The following MED13L variants were observed in gnomAD, a reference collection of about 807,000 sequenced individuals.
MED13L encodes the protein mediator complex subunit 13L.
A neutral mutation model predicts 220.9 loss-of-function variants in MED13L; 7 were observed. The ratio of observed to expected loss-of-function variants is 0.03; its 90% CI spans 0.02 to 0.06. The LOEUF is 0.06. Ranked by LOEUF, MED13L falls within the 10% of genes least tolerant of loss-of-function variation. MED13L has a pLI of 1.00. For synonymous variants in MED13L, 1,011 were observed against 1,015.2 expected (o/e 1.00, Z 0.08); for missense variants, 1,965 against 2,760.5 (o/e 0.71, Z 6.46).
intron 2 of MED13L, among the ~76,000 whole-genome samples, chr12:116,125,470 T>C (rs761204732): frequency 2.0e-5 from 3 of 152,224 alleles, no homozygotes; most frequent in Non-Finnish European, 4.4e-5. Flanking sequence ...CTCTGATATG[T>C]CTATAAATGG....
At chr12:115,975,775 C>G in intron 23 of MED13L, 37 bp from the exon 24 acceptor site, 2 of 1,583,976 alleles carry the variant, frequency 1.3e-6, no homozygotes, top group Non-Finnish European at 1.7e-6. Context: ...AGTACAAAGC[C>G]ATACAACTTA....
At chr12:115,976,611 AC>A (rs1416208007) in intron 23 of MED13L, among the ~76,000 whole-genome samples, 1 of 152,198 alleles carries the variant, frequency 6.6e-6, no homozygotes, top group East Asian at 1.9e-4. Context: ...ATGATTGAGT[AC>A]TTTTGAGTAC....
Position 115,961,201 on chromosome 12 carries a change from C to T in MED13L, c.*65G>A. The T allele has an allele frequency of 1.3e-6, 2 of 1,588,284 alleles. No individual in the cohort carries two copies. The highest frequency in any genetic ancestry group is 1.7e-6 in the Non-Finnish European group (2 of 1,157,038). ...GATGTGGGTTATTTGCAGAGTGTAG[C>T]AGGTTCCTTGGACTGAGGTTGCAGG... is the stretch of plus-strand genomic sequence containing the variant. On this transcript the variant is annotated 3_prime_UTR_variant, in exon 31 of 31. Transcript: ENST00000281928.
chr12:116,157,172 TG>T (rs1185858100), intron 2 of MED13L, among the ~76,000 whole-genome samples: 1 of 152,216 alleles, frequency 6.6e-6, no homozygotes, highest in African/African-American at 2.4e-5. Context: ...CATACTTAAA[TG>T]TTCTTCCCTT....
chr12:116,143,155 T>C (rs763820956), intron 2 of MED13L, among the ~76,000 whole-genome samples: 10 of 152,216 alleles, frequency 6.6e-5, no homozygotes, highest in Non-Finnish European at 1.5e-4. Context: ...GTTTACATAC[T>C]GTAGAATAAA....
In MED13L at chr12:116,007,651, A is replaced by G. The variant is rs1382090097; in HGVS notation, c.2013-15T>C. The G allele has an allele frequency of 3.8e-6, 6 of 1,566,242 alleles. No individual in the cohort carries two copies. The East Asian group carries it at 6.8e-5, about 18-fold the overall frequency. ...GTGCTAAGAGTCTAAAAGACAAAAA[A>G]AAAAAAAAAAAAAAGAGCATTTATG... On this transcript the variant is annotated splice_polypyrimidine_tract_variant and intron_variant, in intron 10 of 30. Transcript: ENST00000281928.
rs1873994223 is a variant in MED13L, at chr12:116,277,608, C to A, written c.-477G>T. ...CCCCGGCAGCCGAGCGACGTCCCCT[C>A]CTTCCTCTTCCTCCCCCACCCCCCC... On this transcript the variant is annotated 5_prime_UTR_variant, in exon 1 of 31. Transcript: ENST00000281928. Among the ~76,000 whole-genome samples the A allele has an allele frequency of 6.7e-6, 1 of 149,614 alleles. No individual in the cohort carries two copies. The highest frequency in any genetic ancestry group is 1.5e-5 in the Non-Finnish European group (1 of 67,026).
intron 9 of MED13L, among the ~76,000 whole-genome samples, chr12:116,010,306 G>A (rs1292595542): frequency 3.9e-5 from 6 of 152,230 alleles, no homozygotes; most frequent in Admixed American, 1.3e-4. Flanking sequence ...ACATGTGAAC[G>A]TCTCATCAGA....
At chr12:116,257,662 T>C (rs1456315722) in intron 1 of MED13L, among the ~76,000 whole-genome samples, 2 of 152,248 alleles carry the variant, frequency 1.3e-5, no homozygotes, top group Admixed American at 1.3e-4. Flanking sequence ...ATTTGTCTAT[T>C]TTTAAATAAG....
intron 2 of MED13L, among the ~76,000 whole-genome samples, chr12:116,145,697 A>ATTTATTTATTTATTTATTTG (rs34084324): frequency 1.2e-4 from 18 of 146,960 alleles, no homozygotes; most frequent in East Asian, 9.9e-4. Context: ...TTATTTATTT[A>ATTTATTTATTTATTTATTTG]TTTATTTTAA....
chr12:116,078,647 T>C (rs533974100), intron 4 of MED13L, among the ~76,000 whole-genome samples: 5 of 152,286 alleles, frequency 3.3e-5, no homozygotes, highest in Admixed American at 2.6e-4. Flanking sequence ...TTACATATCA[T>C]CTATGGCTGC....
intron 4 of MED13L, among the ~76,000 whole-genome samples, 180 bp downstream of exon 4, chr12:116,096,489 A>G (rs1872655140): frequency 6.6e-6 from 1 of 151,814 alleles, no homozygotes; most frequent in African/African-American, 2.4e-5. Context: ...TCACCTTTCT[A>G]ATCAATCTTT....
At chr12:116,210,280 C>T (rs1003616222) in intron 2 of MED13L, among the ~76,000 whole-genome samples, 1 of 152,002 alleles carries the variant, frequency 6.6e-6, no homozygotes, top group African/African-American at 2.4e-5. Flanking sequence ...CTGGACTATA[C>T]GTCTGGATCT....
chr12:116,246,535 G>A (rs1871109105), intron 1 of MED13L, among the ~76,000 whole-genome samples: 1 of 150,742 alleles, frequency 6.6e-6, no homozygotes, highest in African/African-American at 2.4e-5. Context: ...TAAGCAGGCT[G>A]GGCCCTGTGG....
rs143609690 is a variant in MED13L at position 116,008,616 on chromosome 12, A to G, written c.1797T>C (p.Thr599=). 200 of 1,613,990 alleles carry G rather than the reference A, an allele frequency of 1.2e-4. No individual in the cohort carries two copies. The highest frequency in any genetic ancestry group is 1.6e-4 in the Non-Finnish European group (189 of 1,180,018). Residue 599 remains threonine, a synonymous_variant, in exon 10 of 31, where the codon ACT becomes ACC. Coordinates refer to ENST00000281928, the MANE Select transcript of MED13L (RefSeq NM_015335.5). ...GAGGCAGTCTTTGGCCTACGAGGAC[A>G]GTTCTGTCATCCAGAGTAGACAACT... ...LQQLSTLDDR[T]VLVGQRLPLM...
chr12:116,189,963 C>G (rs1481398327), intron 2 of MED13L, among the ~76,000 whole-genome samples: 1 of 151,966 alleles, frequency 6.6e-6, no homozygotes, highest in Non-Finnish European at 1.5e-5. Flanking sequence ...TAAATAGATT[C>G]CTTGGGATCT....
intron 2 of MED13L, among the ~76,000 whole-genome samples, chr12:116,134,449 C>T (rs1876347676): frequency 1.3e-5 from 2 of 152,118 alleles, no homozygotes; most frequent in Admixed American, 6.5e-5. Flanking sequence ...GGTACTAGGA[C>T]GGTCTCAGCG....
At chr12:116,259,307 A>C (rs1270487532) in intron 1 of MED13L, among the ~76,000 whole-genome samples, 1 of 152,220 alleles carries the variant, frequency 6.6e-6, no homozygotes, top group East Asian at 1.9e-4. Context: ...TAATTTTTTT[A>C]AGTACAAATC....
chr12:115,975,932 C>A (rs572491540), intron 23 of MED13L, among the ~76,000 whole-genome samples, 194 bp from the exon 24 acceptor site: 2 of 152,060 alleles, frequency 1.3e-5, no homozygotes, highest in Non-Finnish European at 2.9e-5. Context: ...ATCATGTAAG[C>A]TGGGAAACTC....
Sources: allele counts gnomAD v4.1 joint callset (sites outside exome capture counted in the v4.1 genomes callset), GRCh38; gene constraint gnomAD v4.1.1; transcripts MANE v1.5; gene names NCBI Gene and HGNC (gene_info 2026-07-23, HGNC 2026-07-21).